Variants in PPP6R3 observed in about 807,000 individuals in gnomAD.
The protein encoded by PPP6R3 is protein phosphatase 6 regulatory subunit 3.
Under a neutral mutation model 110.7 loss-of-function variants are expected in PPP6R3, and 38 were observed. The observed-to-expected ratio is 0.34, with a 90% CI of 0.26 to 0.45. The LOEUF is 0.45. PPP6R3 is among the 20% of genes least tolerant of loss of function. The probability of loss-of-function intolerance (pLI) is 1.00; values close to 1 mark genes in which losing one functional copy is unlikely to be tolerated. For missense variants in PPP6R3, 870 were observed against 1,062.4 expected (o/e 0.82, Z 2.52); for synonymous variants, 369 against 373.5 (o/e 0.99, Z 0.14).
At chr11:68,486,025 A>T (rs1301261045) in intron 1 of PPP6R3, among the ~76,000 whole-genome samples, 2 of 151,872 alleles carry the variant, frequency 1.3e-5, no homozygotes, top group Non-Finnish European at 2.9e-5. Flanking sequence ...ACAAGAAAAA[A>T]AAAAAAGCTA....
intron 14 of PPP6R3, among the ~76,000 whole-genome samples, chr11:68,576,565 A>T (rs1455906208): frequency 1.3e-5 from 2 of 152,228 alleles, no homozygotes; most frequent in African/African-American, 2.4e-5. Context: ...GAATAATGGC[A>T]TTGATAATTT....
At chr11:68,548,359 C>G (rs1322136153) in intron 5 of PPP6R3, among the ~76,000 whole-genome samples, 155 bp downstream of exon 5, 2 of 152,146 alleles carry the variant, frequency 1.3e-5, no homozygotes, top group African/African-American at 4.8e-5. Flanking sequence ...AAAGGTTGTT[C>G]CAAGATAGGA....
rs188882353 is a variant in PPP6R3, at chr11:68,490,018, G to T, written c.-158+29191G>T. ...TTTTGAACAAACTACTTTTAATTAA[G>T]AATAAGAAAAATCAATTTTTTTTGA... On this transcript the variant is annotated intron_variant, in intron 1 of 23. Transcript: ENST00000393800. Among the ~76,000 whole-genome samples the T allele has an allele frequency of 2.0e-3, 306 of 152,150 alleles. 6 individuals are homozygous for T. Among genetic ancestry groups the T allele is most frequent in the Admixed American group, 0.018 (271 of 15,280 alleles).
intron 15 of PPP6R3, 32 bp downstream of exon 15, chr11:68,583,161 T>G: frequency 2.1e-6 from 3 of 1,455,072 alleles, no homozygotes; most frequent in Non-Finnish European, 2.8e-6. Context: ...GCTTTTTGTT[T>G]TTATTTTAAA....
intron 5 of PPP6R3, among the ~76,000 whole-genome samples, chr11:68,550,345 GC>G (rs1448748593): frequency 6.6e-6 from 1 of 152,108 alleles, no homozygotes; most frequent in Non-Finnish European, 1.5e-5. Context: ...CCCGCTGCCC[GC>G]CCTAGTCTCC....
At chr11:68,529,487 G>T (rs1342412729) in intron 2 of PPP6R3, among the ~76,000 whole-genome samples, 2 of 152,184 alleles carry the variant, frequency 1.3e-5, no homozygotes, top group African/African-American at 4.8e-5. Context: ...AAAGTGCTGG[G>T]ATTACAGGTG....
At chr11:68,531,363 A>C (rs2099239316) in intron 2 of PPP6R3, among the ~76,000 whole-genome samples, 1 of 142,982 alleles carries the variant, frequency 7.0e-6, no homozygotes, top group Non-Finnish European at 1.5e-5. Context: ...ATTTTAGGAC[A>C]GGGTCTCACT....
At chr11:68,600,535 A>T (rs746607218) in intron 20 of PPP6R3, 41 bp downstream of exon 20, 1 of 1,577,488 alleles carries the variant, frequency 6.3e-7, no homozygotes. Flanking sequence ...TCCACGGGGG[A>T]CCTGGGAATG....
At chr11:68,607,416 C>T (rs1323350586) in intron 22 of PPP6R3, among the ~76,000 whole-genome samples, 1 of 152,202 alleles carries the variant, frequency 6.6e-6, no homozygotes, top group Non-Finnish European at 1.5e-5. Flanking sequence ...AATCTACATT[C>T]TAAAACAACT....
intron 2 of PPP6R3, among the ~76,000 whole-genome samples, chr11:68,528,464 A>G (rs937335221): frequency 5.3e-5 from 8 of 149,928 alleles, no homozygotes; most frequent in Admixed American, 1.3e-4. Context: ...TATGAAATTG[A>G]CACTTCACTA....
chr11:68,588,098 G>A lies in PPP6R3; in HGVS notation c.1730+74G>A, dbSNP rs149782019. 55 of 1,312,718 alleles carry A rather than the reference G, an allele frequency of 4.2e-5. No individual in the cohort carries two copies. The African/African-American group carries it at 5.7e-4, about 14-fold the overall frequency. The allele number at this position is 1,312,718 out of a possible 1,614,324, so 81.3% of individuals were successfully genotyped here. On this transcript the variant is annotated intron_variant, in intron 16 of 23. Coordinates refer to ENST00000393800, the MANE Select transcript of PPP6R3 (RefSeq NM_001164161.2). ...TTGGTAGATGTATGTGTGATTCTGCGGGATTCTTAGTCTTGAGCATTCGTG... is the reference window on the plus strand; with the variant it reads ...TTGGTAGATGTATGTGTGATTCTGCAGGATTCTTAGTCTTGAGCATTCGTG...
At chr11:68,581,537 C>T (rs1064084) in intron 14 of PPP6R3, among the ~76,000 whole-genome samples, 8,047 of 152,346 alleles carry the variant, frequency 0.053, 228 homozygotes, top group Middle Eastern at 0.13. Context: ...CTAAAACACA[C>T]TGGCCCAGCA....
intron 2 of PPP6R3, 96 bp downstream of exon 2, chr11:68,519,747 G>C (rs1018176616): frequency 2.5e-6 from 1 of 395,524 alleles, no homozygotes; most frequent in Non-Finnish European, 4.5e-6. Context: ...AGCAAACCAG[G>C]TGGAGACCAG....
At chr11:68,574,364 G>A in intron 13 of PPP6R3, 140 bp downstream of exon 13, 1 of 636,124 alleles carries the variant, frequency 1.6e-6, no homozygotes, top group Non-Finnish European at 2.7e-6. Context: ...TTTGAATGAG[G>A]TTCTTGAGAA....
intron 1 of PPP6R3, among the ~76,000 whole-genome samples, chr11:68,461,275 G>A (rs930322070): frequency 6.6e-6 from 1 of 152,054 alleles, no homozygotes; most frequent in Non-Finnish European, 1.5e-5. Flanking sequence ...GTCAAGTTGA[G>A]GCAGCAACTC....
chr11:68,472,862 T>G (rs1445854080), intron 1 of PPP6R3, among the ~76,000 whole-genome samples: 1 of 152,218 alleles, frequency 6.6e-6, no homozygotes, highest in African/African-American at 2.4e-5. Context: ...GGGACCAGCT[T>G]CTTTCAACTT....
intron 15 of PPP6R3, 120 bp from the exon 16 acceptor site, chr11:68,587,807 C>A: frequency 1.1e-6 from 1 of 903,376 alleles, no homozygotes; most frequent in Non-Finnish European, 1.8e-6. Context: ...GAAAAACACA[C>A]CAACTTTTAT....
At chr11:68,478,964 C>T (rs936379185) in intron 1 of PPP6R3, among the ~76,000 whole-genome samples, 4 of 151,984 alleles carry the variant, frequency 2.6e-5, no homozygotes, top group Admixed American at 2.0e-4. Context: ...CCAGTCTGAA[C>T]GTAATTTTAT....
chr11:68,461,483 T>A (rs1284925893), intron 1 of PPP6R3, among the ~76,000 whole-genome samples: 2 of 98,884 alleles, frequency 2.0e-5, no homozygotes, highest in Non-Finnish European at 3.8e-5. Context: ...CTGGTGTATT[T>A]GAGCCGGGGG....
Sources: gnomAD v4.1 joint callset for allele counts (sites outside exome capture counted in the v4.1 genomes callset) on GRCh38, gnomAD v4.1.1 for gene constraint, MANE v1.5 for transcripts, NCBI Gene and HGNC (gene_info 2026-07-23, HGNC 2026-07-21) for gene names.